Variants in KCNC2 observed in about 807,000 individuals in gnomAD.
KCNC2 encodes voltage-gated potassium channel KCNC2.
KCNC2 carries 21 observed loss-of-function variants against 44.5 expected under a neutral mutation model. That is an observed-to-expected ratio of 0.47 (90% CI 0.33 to 0.68). The LOEUF (loss-of-function observed/expected upper bound fraction) is 0.68, where lower values mean the gene tolerates loss of function less well. KCNC2 is among the 30% of genes least tolerant of loss of function. KCNC2 has a pLI of 0.01. For synonymous variants in KCNC2, 391 were observed against 339.1 expected (o/e 1.15, Z -1.68); for missense variants, 589 against 826.2 (o/e 0.71, Z 3.52).
intron 2 of KCNC2, among the ~76,000 whole-genome samples, chr12:75,132,456 C>T (rs1044269136): frequency 7.9e-5 from 12 of 152,108 alleles, no homozygotes; most frequent in Non-Finnish European, 2.9e-5. Context: ...TGGATGTTCA[C>T]TGTAACATTC....
Position 75,182,478 on chromosome 12 carries a change from G to A in KCNC2, c.687+24819C>T, listed in dbSNP as rs1432938724. Among the ~76,000 whole-genome samples, 7 of 139,508 alleles carry A rather than the reference G, an allele frequency of 5.0e-5. No individual in the cohort carries two copies. The South Asian group carries it at 8.9e-4, about 18-fold the overall frequency. 91.5% of individuals were successfully genotyped at this position (139,508 alleles called of 152,430 possible). On this transcript the variant is annotated intron_variant, in intron 2 of 4. Coordinates refer to ENST00000549446, the MANE Select transcript of KCNC2 (RefSeq NM_139137.4). ...GCGGAGCTTAGTGAGCCCAGATCGC[G>A]CCACTGCACTCTAGCCTGGGCGACA...
At chr12:75,111,656 T>C (rs1381479601) in intron 2 of KCNC2, among the ~76,000 whole-genome samples, 1 of 152,030 alleles carries the variant, frequency 6.6e-6, no homozygotes. Context: ...GACATTTTCA[T>C]TAAGTATTCT....
intron 4 of KCNC2, among the ~76,000 whole-genome samples, chr12:75,045,160 G>T (rs1880343908): frequency 6.6e-6 from 1 of 151,942 alleles, no homozygotes; most frequent in Admixed American, 6.6e-5. Flanking sequence ...TGGTGAATAT[G>T]CATGAACTAA....
chr12:75,207,187 G>A lies in KCNC2; in HGVS notation c.687+110C>T, dbSNP rs755972158. 2 of 1,454,100 alleles carry A rather than the reference G, an allele frequency of 1.4e-6. No homozygotes were observed. Among genetic ancestry groups the A allele is most frequent in the Non-Finnish European group, 1.8e-6 (2 of 1,103,260 alleles). The allele number at this position is 1,454,100 out of a possible 1,614,324, so 90.1% of individuals were successfully genotyped here. A position where few individuals can be genotyped will look rare whatever the true frequency, so the allele number is the denominator to read the frequency against. On this transcript the variant is annotated intron_variant, in intron 2 of 4. Coordinates refer to ENST00000549446, the MANE Select transcript of KCNC2 (RefSeq NM_139137.4). This position sits in a 1 kb window ranked among gnomAD's most constrained non-coding sequence, Gnocchi z 4.1. The stretch of plus-strand genomic sequence containing the variant: ...CTAACTGTATCGCTAGGAAATCCCG[G>A]GTCTCTTCTACCCCCCATGCCTGAG...
intron 2 of KCNC2, among the ~76,000 whole-genome samples, chr12:75,092,416 C>T (rs1885564371): frequency 6.6e-6 from 1 of 151,584 alleles, no homozygotes; most frequent in South Asian, 2.1e-4. Flanking sequence ...TAGACTAATG[C>T]TTATATGGCT....
At chr12:75,107,184 G>C (rs1266526267) in intron 2 of KCNC2, among the ~76,000 whole-genome samples, 2 of 152,012 alleles carry the variant, frequency 1.3e-5, no homozygotes, top group African/African-American at 4.8e-5. Flanking sequence ...CACACCTGTG[G>C]TCCCAGCTAC....
At chr12:75,053,891 A>G (rs913146287) in intron 2 of KCNC2, among the ~76,000 whole-genome samples, 7 of 151,302 alleles carry the variant, frequency 4.6e-5, no homozygotes, top group African/African-American at 7.3e-5. Flanking sequence ...GAAAAAGACA[A>G]CATTCATCTC....
chr12:75,117,160 C>T (rs1020483194), intron 2 of KCNC2, among the ~76,000 whole-genome samples: 2 of 152,076 alleles, frequency 1.3e-5, no homozygotes, highest in African/African-American at 4.8e-5. Flanking sequence ...ACATTTGTCT[C>T]TGTACACTGA....
chr12:75,077,385 G>A (rs1323284916), intron 2 of KCNC2, among the ~76,000 whole-genome samples: 4 of 151,972 alleles, frequency 2.6e-5, no homozygotes, highest in South Asian at 2.1e-4. Context: ...CAATAATTAC[G>A]TTCCACACAT....
chr12:75,178,758 T>C (rs1892363121), intron 2 of KCNC2, among the ~76,000 whole-genome samples: 1 of 152,022 alleles, frequency 6.6e-6, no homozygotes, highest in Non-Finnish European at 1.5e-5. Context: ...TAGCACAAAA[T>C]ACTTCTGTCT....
At chr12:75,156,470 C>T (rs1295017140) in intron 2 of KCNC2, among the ~76,000 whole-genome samples, 7 of 151,718 alleles carry the variant, frequency 4.6e-5, no homozygotes, top group Admixed American at 4.6e-4. Flanking sequence ...ATATGCCTCG[C>T]ACAGCCTAAA....
chr12:75,093,363 C>A (rs1885652869), intron 2 of KCNC2, among the ~76,000 whole-genome samples: 3 of 151,398 alleles, frequency 2.0e-5, no homozygotes, highest in Admixed American at 1.3e-4. Context: ...GTGTTCCTAC[C>A]CTCATGTGGC....
At chr12:75,047,183 C>T (rs887604879) in intron 4 of KCNC2, among the ~76,000 whole-genome samples, 3 of 151,864 alleles carry the variant, frequency 2.0e-5, no homozygotes, top group African/African-American at 7.2e-5. Flanking sequence ...GGCAATAAAG[C>T]AACTGGAATT....
At chr12:75,194,153 AC>A (rs1290603235) in intron 2 of KCNC2, among the ~76,000 whole-genome samples, 2 of 152,138 alleles carry the variant, frequency 1.3e-5, no homozygotes, top group African/African-American at 2.4e-5. Flanking sequence ...ATTCATGTCT[AC>A]CCCAAACCTC....
chr12:75,200,429 T>C (rs1316666769), intron 2 of KCNC2, among the ~76,000 whole-genome samples: 1 of 151,812 alleles, frequency 6.6e-6, no homozygotes, highest in Non-Finnish European at 1.5e-5. Flanking sequence ...ATTTCACTAA[T>C]ATAATATATA....
chr12:75,042,290 T>C lies in KCNC2; in HGVS notation c.*815A>G, dbSNP rs201783088. 1.2e-6 allele frequency: 2 copies of C among 1,610,110 alleles called. No homozygotes were observed. Among genetic ancestry groups the C allele is most frequent in the Non-Finnish European group, 1.7e-6 (2 of 1,177,914 alleles). On this transcript the variant is annotated 3_prime_UTR_variant, in exon 5 of 5. Transcript: ENST00000549446. ...CTGGCTGGCAGTTACCTTTCTCTCA[T>C]GTTTTGTGCCTTCCCCAAGTCATTA...
intron 2 of KCNC2, among the ~76,000 whole-genome samples, chr12:75,086,682 ATATAT>A (rs1377805104): frequency 2.6e-5 from 1 of 37,842 alleles, no homozygotes; most frequent in East Asian, 9.6e-4. Flanking sequence ...AAAAAAAAAA[ATATAT>A]ATATATATAT....
intron 2 of KCNC2, among the ~76,000 whole-genome samples, chr12:75,090,369 C>T (rs1200017399): frequency 1.3e-5 from 2 of 151,280 alleles, no homozygotes; most frequent in African/African-American, 4.8e-5. Flanking sequence ...TTTTTTACAC[C>T]AGATATTTTT....
intron 2 of KCNC2, among the ~76,000 whole-genome samples, chr12:75,087,400 G>A (rs1023338173): frequency 2.0e-5 from 3 of 152,026 alleles, no homozygotes; most frequent in African/African-American, 7.2e-5. Flanking sequence ...TATCGTTTTA[G>A]ATAAGCAGAG....
Sources: gnomAD v4.1 joint callset for allele counts (sites outside exome capture counted in the v4.1 genomes callset) on GRCh38, gnomAD v4.1.1 for gene constraint, Gnocchi (gnomAD v3.1) non-coding constraint, MANE v1.5 for transcripts, NCBI Gene and HGNC (gene_info 2026-07-23, HGNC 2026-07-21) for gene names.